CDH18: variants seen among roughly 807,000 people sequenced by gnomAD.
CDH18 encodes the protein cadherin 18, also known as cadherin-18.
In CDH18, 31 loss-of-function variants were observed where a neutral mutation model predicts 67.9. The ratio of observed to expected loss-of-function variants is 0.46; its 90% CI spans 0.34 to 0.62. The LOEUF is 0.62. Ranked by LOEUF, CDH18 falls within the 20% of genes least tolerant of loss-of-function variation. The pLI, the probability that CDH18 is intolerant of heterozygous loss-of-function variation, is 0.01. For synonymous variants in CDH18, 362 were observed against 347.2 expected (o/e 1.04, Z -0.48); for missense variants, 890 against 975.5 (o/e 0.91, Z 1.17).
chr5:19,787,987 G>C (rs762772890), intron 3 of CDH18, among the ~76,000 whole-genome samples: 2 of 151,986 alleles, frequency 1.3e-5, no homozygotes, highest in Non-Finnish European at 2.9e-5. Flanking sequence ...ATTGTGGAAA[G>C]TATTCTCCCC....
At chr5:20,289,752 C>A (rs1045452423) in intron 1 of CDH18, among the ~76,000 whole-genome samples, 2 of 151,588 alleles carry the variant, frequency 1.3e-5, no homozygotes, top group Non-Finnish European at 2.9e-5. Flanking sequence ...AGTAACAGTA[C>A]GATTAAGGAA....
chr5:19,876,482 G>A (rs1581750526), intron 2 of CDH18, among the ~76,000 whole-genome samples: 1 of 152,082 alleles, frequency 6.6e-6, no homozygotes, highest in African/African-American at 2.4e-5. Context: ...ATCCCCAGGA[G>A]TATTTAAATA....
At chr5:20,007,558 T>C (rs1737005526) in intron 2 of CDH18, among the ~76,000 whole-genome samples, 1 of 152,078 alleles carries the variant, frequency 6.6e-6, no homozygotes, top group East Asian at 1.9e-4. Context: ...ATAGAAATGA[T>C]GGATTGCTCA....
chr5:20,145,785 GC>G (rs1365152932), intron 2 of CDH18, among the ~76,000 whole-genome samples: 1 of 151,974 alleles, frequency 6.6e-6, no homozygotes, highest in East Asian at 1.9e-4. Flanking sequence ...ATTTACTCTT[GC>G]CCCATCCTTC....
chr5:19,555,053 T>C (rs1561335097), intron 8 of CDH18, among the ~76,000 whole-genome samples: 1 of 152,172 alleles, frequency 6.6e-6, no homozygotes, highest in Non-Finnish European at 1.5e-5. Flanking sequence ...CCTTATTGTA[T>C]ATTCACTTTA....
At chr5:20,228,269 C>T (rs1283953089) in intron 2 of CDH18, among the ~76,000 whole-genome samples, 5 of 151,882 alleles carry the variant, frequency 3.3e-5, no homozygotes, top group Admixed American at 2.6e-4. Flanking sequence ...AATTTTTCTC[C>T]TCAAGCTAGA....
chr5:20,106,417 C>T (rs1746942191), intron 2 of CDH18, among the ~76,000 whole-genome samples: 1 of 152,206 alleles, frequency 6.6e-6, no homozygotes, highest in East Asian at 1.9e-4. Flanking sequence ...CATTTACCAT[C>T]TGTTTTCTGC....
intron 7 of CDH18, among the ~76,000 whole-genome samples, chr5:19,580,723 A>C (rs1460383711): frequency 6.6e-6 from 1 of 152,012 alleles, no homozygotes. Context: ...AGGACAGTTA[A>C]GAAACTCCTT....
At chr5:19,601,798 T>A (rs1241237259) in intron 6 of CDH18, among the ~76,000 whole-genome samples, 1 of 151,936 alleles carries the variant, frequency 6.6e-6, no homozygotes, top group African/African-American at 2.4e-5. Flanking sequence ...TAGTTCAACA[T>A]ATGAAAATCA....
At chr5:20,525,759 T>C (rs1045319282) in intron 1 of CDH18, among the ~76,000 whole-genome samples, 3 of 151,940 alleles carry the variant, frequency 2.0e-5, no homozygotes, top group Non-Finnish European at 4.4e-5. Flanking sequence ...ACTTAAGGTA[T>C]GAGGTAAACA....
At chr5:20,367,968 T>C (rs1266359326) in intron 1 of CDH18, among the ~76,000 whole-genome samples, 2 of 152,196 alleles carry the variant, frequency 1.3e-5, no homozygotes, top group Non-Finnish European at 2.9e-5. Context: ...TCAGAGATTC[T>C]GAATTAATTT....
intron 1 of CDH18, chr5:20,303,950 T>C (rs1273223666): frequency 2.8e-6 from 2 of 719,200 alleles, no homozygotes; most frequent in Non-Finnish European, 4.9e-6. Flanking sequence ...TATCTGTAAG[T>C]TCTTAGAATG....
intron 12 of CDH18, among the ~76,000 whole-genome samples, chr5:19,480,880 A>C (rs1739312717): frequency 6.6e-6 from 1 of 152,082 alleles, no homozygotes; most frequent in African/African-American, 2.4e-5. Flanking sequence ...CCTCTCAAGT[A>C]GCTTCAACTA....
intron 2 of CDH18, among the ~76,000 whole-genome samples, chr5:19,995,037 T>C (rs1260890616): frequency 2.0e-5 from 3 of 150,960 alleles, no homozygotes; most frequent in Admixed American, 6.6e-5. Context: ...GGAAAAGATA[T>C]TCCAGCTCAA....
chr5:19,752,048 C>T (rs1770917401), intron 3 of CDH18, among the ~76,000 whole-genome samples: 1 of 152,130 alleles, frequency 6.6e-6, no homozygotes, highest in Admixed American at 6.5e-5. Flanking sequence ...ATCCGTTGCC[C>T]TTGAATACAC....
chr5:19,706,282 T>C (rs974222855), intron 5 of CDH18, among the ~76,000 whole-genome samples: 8 of 152,350 alleles, frequency 5.3e-5, no homozygotes, highest in Non-Finnish European at 1.2e-4. Flanking sequence ...CCAGGACTTT[T>C]GACTGCAGGG....
intron 11 of CDH18, among the ~76,000 whole-genome samples, chr5:19,490,356 T>G (rs1366464723): frequency 2.7e-5 from 4 of 150,180 alleles, no homozygotes; most frequent in African/African-American, 9.8e-5. Context: ...ATAAAATTAG[T>G]TTTTTTTATA....
At chr5:19,487,806 T>C (rs1399707673) in intron 11 of CDH18, among the ~76,000 whole-genome samples, 2 of 152,132 alleles carry the variant, frequency 1.3e-5, no homozygotes, top group Non-Finnish European at 2.9e-5. Context: ...ACTCTAATAA[T>C]ACCCTGTGAT....
intron 1 of CDH18, among the ~76,000 whole-genome samples, chr5:20,486,698 T>TAC (rs1554008078): frequency 8.6e-5 from 13 of 150,426 alleles, no homozygotes; most frequent in African/African-American, 3.2e-4. Flanking sequence ...TATATATATA[T>TAC]ACATATATGT....
Sources: allele counts gnomAD v4.1 joint callset (sites outside exome capture counted in the v4.1 genomes callset), GRCh38; gene constraint gnomAD v4.1.1; transcripts MANE v1.5; gene names NCBI Gene and HGNC (gene_info 2026-07-23, HGNC 2026-07-21).